Variants in SLK observed in about 807,000 individuals in gnomAD.
SLK encodes STE20 like kinase, also known as STE20-like serine/threonine-protein kinase.
Under a neutral mutation model 147.7 loss-of-function variants are expected in SLK, and 67 were observed. The observed-to-expected ratio is 0.45, with a 90% confidence interval of 0.37 to 0.56. The LOEUF (loss-of-function observed/expected upper bound fraction) is 0.56, where lower values mean the gene tolerates loss of function less well. SLK is among the 20% of genes least tolerant of loss of function. SLK has a pLI of 0.00. For synonymous variants in SLK, 441 were observed against 475.0 expected (o/e 0.93, Z 0.93); for missense variants, 1,136 against 1,438.8 (o/e 0.79, Z 3.41).
At chr10:104,016,811 C>T (rs2134525671) in intron 13 of SLK, among the ~76,000 whole-genome samples, 1 of 152,270 alleles carries the variant, frequency 6.6e-6, no homozygotes, top group East Asian at 1.9e-4. Flanking sequence ...ATCCAGACCT[C>T]ATCAGACTCT....
chr10:103,969,682 G>C (rs951443217), intron 1 of SLK, among the ~76,000 whole-genome samples: 1 of 152,196 alleles, frequency 6.6e-6, no homozygotes, highest in South Asian at 2.1e-4. Context: ...AAGATGCAAG[G>C]CTTCATTGTA....
chr10:104,002,355 G>T lies in SLK; in HGVS notation c.1177G>T (p.Ala393Ser). Residue 393 changes from alanine (A) to serine (S), a missense_variant, in exon 9 of 19, where the codon GCT becomes TCT. Ala to Ser is a moderately conservative substitution (Grantham distance 99, BLOSUM62 1). Coordinates refer to ENST00000369755, the MANE Select transcript of SLK (RefSeq NM_014720.4). ...EKPTTDEPEK[A>S]VEDINEHITD... is the part of the protein sequence containing the mutation. Reference sequence around the variant, plus strand: ...ACCCACCACTGATGAACCTGAAAAGGCTGTGGAGGATATTAATGAACATAT... The same window carrying T: ...ACCCACCACTGATGAACCTGAAAAGTCTGTGGAGGATATTAATGAACATAT... The T allele has an allele frequency of 6.2e-7, 1 of 1,613,458 alleles. No individual in the cohort carries two copies. Among genetic ancestry groups the T allele is most frequent in the South Asian group, 1.1e-5 (1 of 91,056 alleles).
chr10:103,986,668 G>GTTCT (rs779274060), intron 1 of SLK, among the ~76,000 whole-genome samples: 3 of 97,218 alleles, frequency 3.1e-5, no homozygotes, highest in African/African-American at 8.6e-5. Context: ...TATGTGAAGA[G>GTTCT]TTTTTTTTTT....
At position 104,002,568 on chromosome 10, in the gene SLK, G is replaced by T; in HGVS notation, c.1390G>T (p.Glu464Ter). 2 of 1,605,052 alleles carry T rather than the reference G, an allele frequency of 1.2e-6. No individual in the cohort carries two copies. Among genetic ancestry groups the T allele is most frequent in the South Asian group, 2.2e-5 (2 of 90,126 alleles). ...AATGATAACCTTAGAAACAAATATTGAACATAATCTAAAATCTGAGGAAGA... is the reference window on the plus strand; with the variant it reads ...AATGATAACCTTAGAAACAAATATTTAACATAATCTAAAATCTGAGGAAGA... ...NIMITLETNI[E>*]HNLKSEEEKD... is the part of the protein sequence containing the mutation. The change falls in exon 9 of 19, where the codon GAA becomes TAA. Residue 464 changes from glutamate to a stop codon, truncating the protein, a stop_gained. Transcript: ENST00000369755. LOFTEE classifies it high-confidence loss of function.
At chr10:103,992,931 A>G (rs1589532961) in intron 3 of SLK, 53 bp from the exon 4 acceptor site, 16 of 1,342,860 alleles carry the variant, frequency 1.2e-5, no homozygotes, top group Non-Finnish European at 1.3e-5. Flanking sequence ...TAGCCTGCTA[A>G]TATGTTTTCA....
chr10:103,994,998 A>G (rs144258867), intron 4 of SLK, among the ~76,000 whole-genome samples: 53 of 152,260 alleles, frequency 3.5e-4, no homozygotes, highest in African/African-American at 1.2e-3. Flanking sequence ...CTTAATGCCT[A>G]CACCTCTGTC....
intron 13 of SLK, among the ~76,000 whole-genome samples, chr10:104,013,290 A>G (rs998194869): frequency 8.5e-5 from 13 of 152,244 alleles, no homozygotes; most frequent in African/African-American, 3.1e-4. Context: ...AGAAGCAACT[A>G]TGGGAGTCCC....
intron 15 of SLK, 192 bp downstream of exon 15, chr10:104,019,100 T>C: frequency 2.0e-6 from 1 of 493,736 alleles, no homozygotes; most frequent in Non-Finnish European, 3.6e-6. Context: ...TTTCTACAAA[T>C]TATAAGGAAA....
chr10:104,003,439 C>T lies in SLK; in HGVS notation c.2261C>T (p.Ser754Phe). 6.2e-7 allele frequency: 1 copy of T among 1,612,944 alleles called. No homozygotes were observed. The highest frequency in any genetic ancestry group is 1.1e-5 in the South Asian group (1 of 91,048). Residue 754 changes from serine (S) to phenylalanine (F), a missense_variant, in exon 9 of 19, where the codon TCC (serine) becomes TTC (phenylalanine). Transcript: ENST00000369755. ...KENDNDSGTG[S>F]TADTSSIDLN... Reference sequence around the variant, plus strand: ...AATGATAATGATTCAGGCACTGGTTCCACTGCTGATACTAGCAGTATTGAC... The same window carrying T: ...AATGATAATGATTCAGGCACTGGTTTCACTGCTGATACTAGCAGTATTGAC...
intron 12 of SLK, 43 bp downstream of exon 12, chr10:104,008,399 TA>T (rs370687997): frequency 3.8e-3 from 4,364 of 1,150,362 alleles, no homozygotes; most frequent in South Asian, 5.0e-3. Flanking sequence ...GCTTTTTTTT[TA>T]AAAAAATTGT....
intron 1 of SLK, 127 bp downstream of exon 1, chr10:103,968,022 C>A: frequency 1.1e-6 from 1 of 949,748 alleles, no homozygotes; most frequent in Non-Finnish European, 1.6e-6. Flanking sequence ...TTCGATGCAA[C>A]TTTACTTGGC....
At chr10:104,007,478 CA>C (rs1279852282) in intron 11 of SLK, among the ~76,000 whole-genome samples, 1 of 152,018 alleles carries the variant, frequency 6.6e-6, no homozygotes, top group Non-Finnish European at 1.5e-5. Flanking sequence ...CAGGATGTCA[CA>C]TGCCTGTAAT....
chr10:104,000,148 A>T (rs896573460), intron 7 of SLK, among the ~76,000 whole-genome samples, 200 bp downstream of exon 7: 3 of 152,078 alleles, frequency 2.0e-5, no homozygotes, highest in Non-Finnish European at 4.4e-5. Flanking sequence ...TGCTTTTTTG[A>T]TTCAGTTTAA....
At chr10:103,967,988 C>A in intron 1 of SLK, 93 bp downstream of exon 1, 1 of 1,308,720 alleles carries the variant, frequency 7.6e-7, no homozygotes, top group Non-Finnish European at 1.1e-6. Flanking sequence ...GGTCCTTATC[C>A]TGTCCTTCTT....
At position 103,999,970 on chromosome 10, in the gene SLK, A is replaced by AT. The variant is rs1844224093; in HGVS notation, c.864+22_864+23insT. ...GCAGGTAAGAGAGTATGACAACAGC[A>AT]AATAATATAATTATTTTAACATCTA... On this transcript the variant is annotated intron_variant, in intron 7 of 18. Transcript: ENST00000369755. 3.9e-6 allele frequency: 4 copies of AT among 1,033,734 alleles called. No individual in the cohort carries two copies. The African/African-American group carries it at 6.6e-5, about 17-fold the overall frequency. The allele number at this position is 1,033,734 out of a possible 1,614,324, so 64.0% of individuals were successfully genotyped here. A position where few individuals can be genotyped will look rare whatever the true frequency, so the allele number is the denominator to read the frequency against.
intron 4 of SLK, among the ~76,000 whole-genome samples, chr10:103,996,920 A>G (rs1844182978): frequency 1.3e-5 from 2 of 152,178 alleles, no homozygotes; most frequent in South Asian, 4.1e-4. Flanking sequence ...GTAGGAAAAT[A>G]TATACAACAT....
chr10:104,015,622 C>A (rs1231852051), intron 13 of SLK, among the ~76,000 whole-genome samples: 1 of 152,142 alleles, frequency 6.6e-6, no homozygotes, highest in Admixed American at 6.5e-5. Flanking sequence ...ATTTTAGTAA[C>A]CTTCTAAGTA....
chr10:103,973,796 A>C (rs1370748897), intron 1 of SLK, among the ~76,000 whole-genome samples: 1 of 152,192 alleles, frequency 6.6e-6, no homozygotes, highest in African/African-American at 2.4e-5. Context: ...TCCATGGAAA[A>C]CATATTTTTT....
intron 1 of SLK, among the ~76,000 whole-genome samples, chr10:103,980,836 A>T (rs756332329): frequency 8.5e-5 from 13 of 152,144 alleles, no homozygotes; most frequent in Non-Finnish European, 1.2e-4. Context: ...TTTTTAGGGT[A>T]TATACCCAGG....
Sources: allele counts gnomAD v4.1 joint callset (sites outside exome capture counted in the v4.1 genomes callset), GRCh38; gene constraint gnomAD v4.1.1; transcripts MANE v1.5; gene names NCBI Gene and HGNC (gene_info 2026-07-23, HGNC 2026-07-21).